FMN1: variants seen among roughly 807,000 people sequenced by gnomAD.
FMN1 encodes formin-1.
Under a neutral mutation model 132.4 loss-of-function variants are expected in FMN1, and 110 were observed. The ratio of observed to expected loss-of-function variants is 0.83; its 90% confidence interval spans 0.71 to 0.97. The LOEUF (loss-of-function observed/expected upper bound fraction) is 0.97. Ranked by LOEUF, FMN1 falls within the 50% of genes least tolerant of loss-of-function variation. The pLI, the probability that FMN1 is intolerant of heterozygous loss-of-function variation, is 0.00. For synonymous variants in FMN1, 722 were observed against 651.7 expected, an observed-to-expected ratio of 1.11 and a Z score of -1.64; for missense variants, 1,792 against 1,705.3, an observed-to-expected ratio of 1.05 and a Z score of -0.90.
chr15:33,012,209 T>C, intron 6 of FMN1: 1 of 638,504 alleles, frequency 1.6e-6, no homozygotes, highest in Non-Finnish European at 2.9e-6. Flanking sequence ...GATAAGTGCC[T>C]GAGGAATCAT....
At chr15:32,948,557 A>T (rs2061558065) in intron 9 of FMN1, among the ~76,000 whole-genome samples, 2 of 152,004 alleles carry the variant, frequency 1.3e-5, no homozygotes, top group Non-Finnish European at 2.9e-5. Flanking sequence ...ATTAACCTTA[A>T]TATTTACGGA....
intron 6 of FMN1, among the ~76,000 whole-genome samples, chr15:33,043,822 G>A (rs1310308857): frequency 6.6e-6 from 1 of 152,194 alleles, no homozygotes; most frequent in Non-Finnish European, 1.5e-5. Flanking sequence ...CAGCTGCCCA[G>A]CCATGGCTGT....
intron 5 of FMN1, chr15:33,067,730 T>TC: frequency 6.2e-7 from 1 of 1,614,010 alleles, no homozygotes; most frequent in Non-Finnish European, 8.5e-7. Context: ...AGCATCTTCC[T>TC]CTTCTGGATT....
chr15:33,067,008 C>T (rs1462151883), intron 5 of FMN1: 1 of 1,613,866 alleles, frequency 6.2e-7, no homozygotes, highest in African/African-American at 1.3e-5. Flanking sequence ...GTGATGGTCT[C>T]TCCTCCCTCA....
chr15:33,151,214 GGAAGTCTCCACAGTAGA>G (rs1964424800), intron 4 of FMN1: 3 of 1,531,184 alleles, frequency 2.0e-6, no homozygotes, highest in Non-Finnish European at 2.6e-6. Flanking sequence ...AGGCCCTATA[GGAAGTCTCCACAGTAGA>G]GAAGTTACCC....
At chr15:33,160,258 A>G (rs1048801162) in intron 3 of FMN1, among the ~76,000 whole-genome samples, 1 of 152,180 alleles carries the variant, frequency 6.6e-6, no homozygotes, top group Non-Finnish European at 1.5e-5. Flanking sequence ...GGGATGGAAC[A>G]CTGCAAAAGC....
chr15:33,116,155 G>A (rs1328253616), intron 4 of FMN1, among the ~76,000 whole-genome samples: 2 of 152,144 alleles, frequency 1.3e-5, no homozygotes, highest in East Asian at 1.9e-4. Context: ...CTTATTAGTA[G>A]TTACTTAAAT....
chr15:32,989,281 C>T (rs2033283659), intron 7 of FMN1, among the ~76,000 whole-genome samples: 1 of 152,154 alleles, frequency 6.6e-6, no homozygotes. Context: ...GTGGAGGTAC[C>T]TCTGCTTTCA....
At position 32,831,678 on chromosome 15, in the gene FMN1, T is replaced by C. The variant is rs577387937; in HGVS notation, c.3928+25337A>G. ...GCTTGGACAAGTAGACTAGAGACTA[T>C]GAAGATAATCTCTCAGAGACTGACA... On this transcript the variant is annotated intron_variant, in intron 17 of 20. Transcript: ENST00000616417. 2.0e-5 allele frequency among the ~76,000 whole-genome samples: 3 copies of C among 151,684 alleles called. No individual in the cohort carries two copies. In the South Asian group the frequency reaches 6.3e-4, roughly 32 times the overall value.
chr15:33,056,858 A>G (rs2037239995), intron 6 of FMN1, among the ~76,000 whole-genome samples: 2 of 152,214 alleles, frequency 1.3e-5, no homozygotes, highest in South Asian at 2.1e-4. Flanking sequence ...ACACAAAATG[A>G]GTTAATTTAT....
chr15:32,808,662 A>G (rs1288373300), intron 17 of FMN1, among the ~76,000 whole-genome samples: 1 of 152,332 alleles, frequency 6.6e-6, no homozygotes, highest in African/African-American at 2.4e-5. Flanking sequence ...GCTTGTGACT[A>G]TGAGATATAC....
chr15:33,189,994 G>A (rs1330682521), intron 2 of FMN1, among the ~76,000 whole-genome samples: 1 of 152,194 alleles, frequency 6.6e-6, no homozygotes, highest in East Asian at 1.9e-4. Context: ...TCAGTGAAGA[G>A]ATCAAAGCAG....
At chr15:32,891,868 G>A (rs566620906) in intron 15 of FMN1, among the ~76,000 whole-genome samples, 14 of 152,078 alleles carry the variant, frequency 9.2e-5, no homozygotes, top group African/African-American at 2.7e-4. Flanking sequence ...GGTCACTGTC[G>A]GTGTACAGAA....
intron 9 of FMN1, among the ~76,000 whole-genome samples, chr15:32,927,889 G>A (rs2061002154): frequency 6.6e-6 from 1 of 152,146 alleles, no homozygotes; most frequent in Non-Finnish European, 1.5e-5. Context: ...TTCCCACCTA[G>A]GTACTTACAG....
intron 3 of FMN1, among the ~76,000 whole-genome samples, chr15:33,160,786 T>A (rs1964857799): frequency 6.6e-6 from 1 of 152,066 alleles, no homozygotes; most frequent in Non-Finnish European, 1.5e-5. Context: ...TCCCAGGGAG[T>A]CTTCGTGTCT....
chr15:32,834,016 T>A (rs2058566746), intron 17 of FMN1, among the ~76,000 whole-genome samples: 1 of 152,172 alleles, frequency 6.6e-6, no homozygotes, highest in South Asian at 2.1e-4. Context: ...CTTCTCATCA[T>A]TTTTTCTGAT....
chr15:32,788,684 G>A (rs902554249), intron 19 of FMN1, among the ~76,000 whole-genome samples: 1 of 152,216 alleles, frequency 6.6e-6, no homozygotes, highest in African/African-American at 2.4e-5. Context: ...CTGAATGAAG[G>A]AGACATACTT....
chr15:32,815,012 G>A (rs1474719832), intron 17 of FMN1, among the ~76,000 whole-genome samples: 1 of 151,930 alleles, frequency 6.6e-6, no homozygotes, highest in South Asian at 2.1e-4. Context: ...GTGCGATCTC[G>A]GCTCACTGCA....
chr15:33,175,030 C>T (rs186411517), intron 3 of FMN1, among the ~76,000 whole-genome samples: 15 of 146,218 alleles, frequency 1.0e-4, no homozygotes, highest in East Asian at 1.9e-4. Context: ...GAGGAGGAAA[C>T]GATTTTTTTT....
Sources: allele counts gnomAD v4.1 joint callset (sites outside exome capture counted in the v4.1 genomes callset), GRCh38; gene constraint gnomAD v4.1.1; transcripts MANE v1.5; gene names NCBI Gene and HGNC (gene_info 2026-07-23, HGNC 2026-07-21).